The following GABRR2 variants were observed in gnomAD, a reference collection of about 807,000 sequenced individuals.
GABRR2 encodes gamma-aminobutyric acid type A receptor subunit rho2.
GABRR2 carries 36 observed loss-of-function variants against 47.0 expected under a neutral mutation model. The observed-to-expected ratio is 0.77, with a 90% confidence interval of 0.59 to 1.01. The LOEUF is 1.01. Ranked by LOEUF, GABRR2 falls within the 50% of genes least tolerant of loss-of-function variation. The pLI is 0.00. For synonymous variants in GABRR2, 204 were observed against 227.5 expected (o/e 0.90, Z 0.93); for missense variants, 587 against 594.6 (o/e 0.99, Z 0.13).
At chr6:89,302,792 G>A (rs1420918429) in intron 1 of GABRR2, 24 of 1,441,926 alleles carry the variant, frequency 1.7e-5, no homozygotes, top group Non-Finnish European at 2.1e-5. Flanking sequence ...ACTTCGTGGA[G>A]TGGATCCCCA....
chr6:89,305,310 G>A (rs1188527956), intron 1 of GABRR2, among the ~76,000 whole-genome samples: 2 of 152,168 alleles, frequency 1.3e-5, no homozygotes, highest in Admixed American at 6.5e-5. Flanking sequence ...TGCTGAAATT[G>A]TGCCATTGCT....
At chr6:89,301,820 G>C in intron 1 of GABRR2, 1 of 966,306 alleles carries the variant, frequency 1.0e-6, no homozygotes. Context: ...GGCCAGTGCG[G>C]CAACTAGATC....
At chr6:89,268,619 A>G (rs780216859) in intron 4 of GABRR2, among the ~76,000 whole-genome samples, 2 of 151,678 alleles carry the variant, frequency 1.3e-5, no homozygotes, top group Non-Finnish European at 2.9e-5. Flanking sequence ...CCAATCTGCA[A>G]TAGCACTCAA....
rs1453439814 is a variant in GABRR2 at position 89,257,720 on chromosome 6, G to T, written c.1348C>A (p.Pro450Thr). The T allele has an allele frequency of 6.2e-7, 1 of 1,613,768 alleles. No homozygotes were observed. Among genetic ancestry groups the T allele is most frequent in the Non-Finnish European group, 8.5e-7 (1 of 1,179,854 alleles). ...AIDKYSRLIF[P>T]ASYIFFNLIY... ...AAGTTGAAAAATATGTAGGAGGCAG[G>T]GAATATCAACCTAGAGTATTTGTCA... The change falls in exon 9 of 9, where the codon CCT becomes ACT. Residue 450 changes from proline to threonine, a missense_variant. By Grantham distance (38) the Pro-to-Thr change is conservative. Transcript: ENST00000402938.
chr6:89,287,011 C>T (rs1310315191), intron 2 of GABRR2, among the ~76,000 whole-genome samples: 10 of 152,146 alleles, frequency 6.6e-5, no homozygotes, highest in East Asian at 1.9e-4. Context: ...GTGGGGAAGA[C>T]GAGAGGCAGA....
chr6:89,269,589 C>T (rs953820676), intron 3 of GABRR2, among the ~76,000 whole-genome samples: 3 of 152,238 alleles, frequency 2.0e-5, no homozygotes, highest in African/African-American at 7.2e-5. Flanking sequence ...TACCCATTGG[C>T]TAACCATTCC....
intron 5 of GABRR2, 74 bp from the exon 6 acceptor site, chr6:89,267,893 T>C: frequency 6.3e-7 from 1 of 1,594,148 alleles, no homozygotes; most frequent in Non-Finnish European, 8.6e-7. Flanking sequence ...GGAAATCCTA[T>C]GCCAGTCCAG....
intron 1 of GABRR2, among the ~76,000 whole-genome samples, chr6:89,303,899 C>A (rs1203018179): frequency 6.6e-6 from 1 of 152,154 alleles, no homozygotes; most frequent in Non-Finnish European, 1.5e-5. Flanking sequence ...ACCGGCTAGC[C>A]ATATGCAGAA....
intron 2 of GABRR2, among the ~76,000 whole-genome samples, chr6:89,280,253 T>TATATATATATACAC (rs1242640059): frequency 2.8e-4 from 35 of 124,732 alleles, no homozygotes; most frequent in African/African-American, 5.4e-4. Context: ...TATATATATA[T>TATATATATATACAC]ACATACATAT....
intron 2 of GABRR2, among the ~76,000 whole-genome samples, chr6:89,287,565 C>A (rs1774354237): frequency 6.6e-6 from 1 of 152,250 alleles, no homozygotes; most frequent in Non-Finnish European, 1.5e-5. Context: ...GCCTCGCACA[C>A]ACTGGCTGCG....
intron 1 of GABRR2, among the ~76,000 whole-genome samples, chr6:89,311,146 A>C (rs1250121582): frequency 6.6e-6 from 1 of 152,306 alleles, no homozygotes; most frequent in East Asian, 1.9e-4. Flanking sequence ...GTGAGGTGCC[A>C]CGTGCAGACG....
chr6:89,315,022 A>C, intron 1 of GABRR2, 31 bp downstream of exon 1: 3 of 1,588,470 alleles, frequency 1.9e-6, no homozygotes, highest in Non-Finnish European at 2.6e-6. Context: ...TATGCAGGGT[A>C]ACCTCCCTCC....
At position 89,295,606 on chromosome 6, in the gene GABRR2, C is replaced by T. The variant is rs540932441; in HGVS notation, c.220+4153G>A. ...TGTTCACTCTGATGGTAGTTTCTTT[C>T]GCTGTGCAGAAGCTCTTTAGTTTAA... On this transcript the variant is annotated intron_variant, in intron 2 of 8. Coordinates refer to ENST00000402938, the MANE Select transcript of GABRR2 (RefSeq NM_002043.5). 6.1e-4 allele frequency among the ~76,000 whole-genome samples: 93 copies of T among 152,098 alleles called. No individual in the cohort carries two copies. In the East Asian group the frequency reaches 6.8e-3, roughly 11 times the overall value.
At position 89,291,866 on chromosome 6, in the gene GABRR2, G is replaced by A. The variant is rs751907275; in HGVS notation, c.220+7893C>T. Among the ~76,000 whole-genome samples, 12 of 152,136 alleles carry A rather than the reference G, an allele frequency of 7.9e-5. No homozygotes were observed. The East Asian group carries it at 1.2e-3, about 15-fold the overall frequency. On this transcript the variant is annotated intron_variant, in intron 2 of 8. Coordinates refer to ENST00000402938, the MANE Select transcript of GABRR2 (RefSeq NM_002043.5). ...TAGTATGAGCTTCCCAGGCAAGGGC[G>A]GCTCTTCCCCAGGGCAGCCCTTCCC...
At chr6:89,271,613 A>G in intron 3 of GABRR2, 42 bp downstream of exon 3, 1 of 1,562,572 alleles carries the variant, frequency 6.4e-7, no homozygotes, top group Non-Finnish European at 8.8e-7. Flanking sequence ...GGCCCACTAC[A>G]CTACAGGCTC....
intron 2 of GABRR2, among the ~76,000 whole-genome samples, chr6:89,293,133 A>G (rs1357111264): frequency 1.3e-5 from 2 of 152,158 alleles, no homozygotes; most frequent in African/African-American, 4.8e-5. Context: ...AAAAAAGGAA[A>G]TTCTATCACA....
At chr6:89,262,901 A>C (rs924399528) in intron 8 of GABRR2, among the ~76,000 whole-genome samples, 1 of 152,254 alleles carries the variant, frequency 6.6e-6, no homozygotes, top group African/African-American at 2.4e-5. Context: ...TGCAAAAGTA[A>C]TTGCAGTTTA....
At chr6:89,290,820 A>C (rs778231469) in intron 2 of GABRR2, among the ~76,000 whole-genome samples, 5 of 152,176 alleles carry the variant, frequency 3.3e-5, no homozygotes, top group African/African-American at 4.8e-5. Flanking sequence ...TTTGAAGGCC[A>C]CAGCTCCCAT....
chr6:89,264,264 A>G, intron 8 of GABRR2, 148 bp downstream of exon 8: 1 of 967,662 alleles, frequency 1.0e-6, no homozygotes, highest in South Asian at 1.7e-5. Flanking sequence ...GGTAGAAGCC[A>G]GAACCTATTC....
Sources: gnomAD v4.1 joint callset for allele counts (sites outside exome capture counted in the v4.1 genomes callset) on GRCh38, gnomAD v4.1.1 for gene constraint, MANE v1.5 for transcripts, NCBI Gene and HGNC (gene_info 2026-07-23, HGNC 2026-07-21) for gene names.